Variants in XPO1 observed in about 807,000 individuals in gnomAD.
The protein encoded by XPO1 is exportin-1.
A neutral mutation model predicts 133.3 loss-of-function variants in XPO1; 5 were observed. The observed-to-expected ratio is 0.04, with a 90% confidence interval of 0.02 to 0.08. The LOEUF is 0.08. Ranked by LOEUF, XPO1 falls within the 10% of genes least tolerant of loss-of-function variation. XPO1 has a pLI of 1.00. For synonymous variants in XPO1, 419 were observed against 408.2 expected (o/e 1.03, Z -0.32); for missense variants, 506 against 1,267.5 (o/e 0.40, Z 9.12).
intron 1 of XPO1, chr2:61,534,108 G>A (rs964847455): frequency 2.2e-5 from 10 of 457,116 alleles, no homozygotes; most frequent in Admixed American, 8.8e-5. Context: ...AAATTATTAT[G>A]GTCCATTCAA....
At chr2:61,480,046 G>A (rs1478638604) in intron 24 of XPO1, among the ~76,000 whole-genome samples, 2 of 150,984 alleles carry the variant, frequency 1.3e-5, no homozygotes, top group African/African-American at 4.9e-5. Flanking sequence ...TGTATTTTTA[G>A]TAGAGATGAG....
At chr2:61,531,931 T>C (rs79869803) in intron 2 of XPO1, among the ~76,000 whole-genome samples, 4,225 of 152,270 alleles carry the variant, frequency 0.028, 192 homozygotes, top group African/African-American at 0.095. Flanking sequence ...GAGTAATTTT[T>C]TCTACTTTTA....
At chr2:61,490,093 G>A (rs1461194213) in intron 17 of XPO1, among the ~76,000 whole-genome samples, 1 of 151,422 alleles carries the variant, frequency 6.6e-6, no homozygotes, top group African/African-American at 2.4e-5. Context: ...GTTTCACCAC[G>A]TTGGCCAGGA....
chr2:61,496,784 C>T, intron 10 of XPO1, 95 bp downstream of exon 10: 1 of 1,272,872 alleles, frequency 7.9e-7, no homozygotes, highest in Non-Finnish European at 1.0e-6. Flanking sequence ...TATGGCTTAT[C>T]TTTGATACGT....
In XPO1 at chr2:61,483,920, G is replaced by C. The variant is rs1431834173; in HGVS notation, c.2677+17C>G. ...TGGATTGGCAGGCAAATGAATAAAA[G>C]AACATCTTTTATTTACCCGTATCTG... On this transcript the variant is annotated intron_variant, in intron 21 of 24. Transcript: ENST00000401558. The C allele has an allele frequency of 1.9e-6, 3 of 1,608,270 alleles. No individual in the cohort carries two copies. Among genetic ancestry groups the C allele is most frequent in the Non-Finnish European group, 2.5e-6 (3 of 1,178,130 alleles).
At chr2:61,514,604 A>G (rs1698267950) in intron 4 of XPO1, among the ~76,000 whole-genome samples, 1 of 151,492 alleles carries the variant, frequency 6.6e-6, no homozygotes, top group African/African-American at 2.4e-5. Context: ...AAAAAAAAAA[A>G]AAAAAAAGAA....
chr2:61,511,347 G>C (rs558989435), intron 4 of XPO1, among the ~76,000 whole-genome samples: 1 of 151,980 alleles, frequency 6.6e-6, no homozygotes, highest in East Asian at 1.9e-4. Context: ...GGCTGATCTC[G>C]AACTCCCAAC....
In XPO1 at chr2:61,479,173, A is replaced by G. The variant is rs558577901; in HGVS notation, c.3070-207T>C. ...TTAACTGGTGGGGGGGAAGATTACA[A>G]AAGAATCATGGGCCCCGGCATGGTG... On this transcript the variant is annotated intron_variant, in intron 24 of 24. Transcript: ENST00000401558. Among the ~76,000 whole-genome samples the G allele has an allele frequency of 2.0e-5, 3 of 152,342 alleles. No homozygotes were observed. The East Asian group carries it at 5.8e-4, about 29-fold the overall frequency.
intron 2 of XPO1, among the ~76,000 whole-genome samples, chr2:61,530,046 CA>C (rs1699085998): frequency 6.6e-6 from 1 of 152,150 alleles, no homozygotes; most frequent in South Asian, 2.1e-4. Context: ...TATCTAGGGC[CA>C]AAGCACATTT....
rs776202336 is a variant in XPO1, at chr2:61,492,831, A to G, written c.1385-83T>C. 3.9e-6 allele frequency: 6 copies of G among 1,558,322 alleles called. No individual in the cohort carries two copies. The East Asian group carries it at 9.0e-5, about 23-fold the overall frequency. On this transcript the variant is annotated intron_variant, in intron 13 of 24. Coordinates refer to ENST00000401558, the MANE Select transcript of XPO1 (RefSeq NM_003400.4). The surrounding 1 kb of genome is among the most constrained non-coding windows in gnomAD (Gnocchi z 5.6). ...AACAATACATTTAGAAAATATTTAG[A>G]AACTACAAGTACATTTCCTAAAATG...
chr2:61,529,448 A>G (rs13427103), intron 2 of XPO1, among the ~76,000 whole-genome samples: 2,783 of 152,088 alleles, frequency 0.018, 81 homozygotes, highest in African/African-American at 0.062. Context: ...ACGAGGTCAG[A>G]AGTTCAAGAC....
intron 4 of XPO1, among the ~76,000 whole-genome samples, chr2:61,508,645 T>C (rs1378608576): frequency 1.3e-5 from 2 of 152,232 alleles, no homozygotes; most frequent in Non-Finnish European, 1.5e-5. Flanking sequence ...TACTCAATGA[T>C]AGCGTAAAAA....
chr2:61,482,033 C>CTTTTTTTTTTTTTTTGTTTTT (rs1491506588), intron 23 of XPO1, among the ~76,000 whole-genome samples: 1 of 86,820 alleles, frequency 1.2e-5, no homozygotes, highest in Non-Finnish European at 2.5e-5. Context: ...CCGTGCGTGG[C>CTTTTTTTTTTTTTTTGTTTTT]CTTTTTTTTT....
chr2:61,495,229 T>C (rs1422282460), intron 11 of XPO1, among the ~76,000 whole-genome samples: 1 of 152,178 alleles, frequency 6.6e-6, no homozygotes, highest in Admixed American at 6.5e-5. Flanking sequence ...TAATAATTAG[T>C]AATTTAATTT....
intron 6 of XPO1, among the ~76,000 whole-genome samples, chr2:61,500,947 G>A (rs543127605): frequency 1.3e-5 from 2 of 152,272 alleles, no homozygotes; most frequent in South Asian, 2.1e-4. Flanking sequence ...TAAAAGAGAG[G>A]ACGCACTGCA....
At chr2:61,493,118 G>C (rs1259991879) in intron 12 of XPO1, 65 bp from the exon 13 acceptor site, 1 of 1,462,522 alleles carries the variant, frequency 6.8e-7, no homozygotes, top group East Asian at 2.4e-5. Context: ...TAGTGTAGAA[G>C]CTTAGTTAAA....
chr2:61,497,465 C>T (rs530985734), intron 9 of XPO1, among the ~76,000 whole-genome samples: 7 of 152,320 alleles, frequency 4.6e-5, no homozygotes, highest in South Asian at 2.1e-4. Flanking sequence ...CTCACCTCGA[C>T]CTCCCAAAGT....
chr2:61,486,091 T>C, intron 19 of XPO1, 129 bp from the exon 20 acceptor site: 3 of 707,668 alleles, frequency 4.2e-6, no homozygotes, highest in Non-Finnish European at 2.1e-6. Flanking sequence ...CTTGTGTTTG[T>C]ATTAGGGTTT....
At chr2:61,506,327 G>A (rs1031352157) in intron 4 of XPO1, among the ~76,000 whole-genome samples, 2 of 152,170 alleles carry the variant, frequency 1.3e-5, no homozygotes, top group African/African-American at 4.8e-5. Context: ...GGAGGCTGAG[G>A]CATGAGAATC....
Sources: allele counts gnomAD v4.1 joint callset (sites outside exome capture counted in the v4.1 genomes callset), GRCh38; gene constraint gnomAD v4.1.1; non-coding constraint Gnocchi (gnomAD v3.1); transcripts MANE v1.5; gene names NCBI Gene and HGNC (gene_info 2026-07-23, HGNC 2026-07-21).